ARHGAP10: variants seen among roughly 807,000 people sequenced by gnomAD.
The protein encoded by ARHGAP10 is rho GTPase-activating protein 10.
ARHGAP10 carries 87 observed loss-of-function variants against 108.6 expected under a neutral mutation model. The ratio of observed to expected loss-of-function variants is 0.80; its 90% confidence interval spans 0.67 to 0.96. ARHGAP10 has a LOEUF of 0.96. ARHGAP10 is among the 40% of genes least tolerant of loss of function. ARHGAP10 has a pLI of 0.00. For synonymous variants in ARHGAP10, 347 were observed against 341.1 expected (o/e 1.02, Z -0.19); for missense variants, 939 against 954.5 (o/e 0.98, Z 0.21).
In ARHGAP10 at chr4:147,775,852, GC is replaced by G. The variant is rs1445287372; in HGVS notation, c.154+43398del. ...ATAATATCACTAATACTGATAGAAT[GC>G]TTACTATATACCAGATATTGTCATG... On this transcript the variant is annotated intron_variant, in intron 1 of 22. Transcript: ENST00000336498. Among the ~76,000 whole-genome samples the G allele has an allele frequency of 1.3e-5, 2 of 152,090 alleles. 1 individual carries two copies. The highest frequency in any genetic ancestry group is 2.9e-5 in the Non-Finnish European group (2 of 68,024).
chr4:147,822,867 A>G (rs753306020), intron 2 of ARHGAP10, 29 bp from the exon 3 acceptor site: 59 of 1,613,882 alleles, frequency 3.7e-5, no homozygotes, highest in Admixed American at 1.5e-4. Flanking sequence ...TGCCATGGCC[A>G]CCAAATAATC....
intron 1 of ARHGAP10, among the ~76,000 whole-genome samples, chr4:147,817,590 C>T (rs546034663): frequency 1.3e-5 from 2 of 152,246 alleles, no homozygotes; most frequent in South Asian, 4.1e-4. Context: ...CAAATATAAC[C>T]CCTCATCTCT....
At chr4:147,868,929 G>A (rs1396104133) in intron 7 of ARHGAP10, among the ~76,000 whole-genome samples, 1 of 152,110 alleles carries the variant, frequency 6.6e-6, no homozygotes, top group Non-Finnish European at 1.5e-5. Context: ...GCAGCCTGGG[G>A]GTTGGGGACC....
At chr4:147,871,065 T>C (rs1046322111) in intron 7 of ARHGAP10, among the ~76,000 whole-genome samples, 15 of 151,564 alleles carry the variant, frequency 9.9e-5, no homozygotes, top group African/African-American at 1.7e-4. Context: ...GTTCACGCCA[T>C]TCTCCTGCCT....
chr4:148,058,624 C>T (rs577309347), intron 20 of ARHGAP10, among the ~76,000 whole-genome samples: 3 of 152,304 alleles, frequency 2.0e-5, no homozygotes, highest in Non-Finnish European at 2.9e-5. Context: ...TGTGATCTGT[C>T]GCTGCCAGAA....
chr4:148,056,474 A>T (rs534850944), intron 20 of ARHGAP10, among the ~76,000 whole-genome samples: 1 of 152,278 alleles, frequency 6.6e-6, no homozygotes, highest in South Asian at 2.1e-4. Flanking sequence ...TTATTTTGGA[A>T]TAGTTTAAGG....
chr4:147,968,396 A>G (rs954439053), intron 18 of ARHGAP10, among the ~76,000 whole-genome samples: 2 of 152,224 alleles, frequency 1.3e-5, no homozygotes, highest in Admixed American at 6.5e-5. Context: ...GTACTTTTCA[A>G]TCTTCTTGGG....
At chr4:147,935,447 G>A (rs760566884) in intron 13 of ARHGAP10, among the ~76,000 whole-genome samples, 5 of 152,234 alleles carry the variant, frequency 3.3e-5, no homozygotes, top group Non-Finnish European at 7.3e-5. Context: ...TGAAGAGGCA[G>A]ACATTAGTCT....
Position 148,064,393 on chromosome 4 carries a change from T to C in ARHGAP10, c.2181-23T>C, listed in dbSNP as rs1235972932. The stretch of plus-strand genomic sequence containing the variant: ...TGTTTTCCACATTTTCATTGGTGTC[T>C]TTTGTATTCTCTTTCTTTTCAGCAT... On this transcript the variant is annotated intron_variant, in intron 21 of 22. Transcript: ENST00000336498. The C allele has an allele frequency of 3.1e-6, 5 of 1,609,754 alleles. No individual in the cohort carries two copies. In the African/African-American group the frequency reaches 6.7e-5, roughly 22 times the overall value.
At chr4:147,903,648 T>C (rs1292336809) in intron 10 of ARHGAP10, among the ~76,000 whole-genome samples, 1 of 152,224 alleles carries the variant, frequency 6.6e-6, no homozygotes, top group Non-Finnish European at 1.5e-5. Context: ...ACCAGTGATC[T>C]TTTTACTGTC....
chr4:147,879,821 C>A (rs1317579510), intron 9 of ARHGAP10, among the ~76,000 whole-genome samples: 2 of 151,698 alleles, frequency 1.3e-5, no homozygotes, highest in African/African-American at 2.4e-5. Flanking sequence ...TTTAGGTGAA[C>A]AATAGAATCC....
intron 18 of ARHGAP10, among the ~76,000 whole-genome samples, chr4:148,004,008 T>C (rs1470402433): frequency 6.6e-6 from 1 of 152,234 alleles, no homozygotes; most frequent in East Asian, 1.9e-4. Context: ...TCTGTACTGC[T>C]GGCGGGGGTG....
chr4:147,806,411 G>A (rs1026471309), intron 1 of ARHGAP10, among the ~76,000 whole-genome samples: 1 of 147,536 alleles, frequency 6.8e-6, no homozygotes, highest in African/African-American at 2.5e-5. Flanking sequence ...TATGAATATT[G>A]TATAATATAT....
At chr4:148,051,234 A>C (rs931441580) in intron 20 of ARHGAP10, among the ~76,000 whole-genome samples, 1 of 152,186 alleles carries the variant, frequency 6.6e-6, no homozygotes, top group African/African-American at 2.4e-5. Flanking sequence ...ACTTACCTGT[A>C]CCCTCAGTAA....
intron 3 of ARHGAP10, 60 bp from the exon 4 acceptor site, chr4:147,847,091 A>G: frequency 7.1e-7 from 1 of 1,399,598 alleles, no homozygotes; most frequent in Non-Finnish European, 1.0e-6. Context: ...ATGAAATACT[A>G]ATTTTTTCCT....
intron 1 of ARHGAP10, among the ~76,000 whole-genome samples, chr4:147,785,964 C>T (rs1247147314): frequency 6.6e-6 from 1 of 152,072 alleles, no homozygotes; most frequent in East Asian, 1.9e-4. Context: ...TGTATTAACT[C>T]CTTTTACAGG....
chr4:147,740,460 T>TGATTA (rs1472050820), intron 1 of ARHGAP10, among the ~76,000 whole-genome samples: 1 of 152,196 alleles, frequency 6.6e-6, no homozygotes, highest in Non-Finnish European at 1.5e-5. Flanking sequence ...TAATCGATCT[T>TGATTA]GATTATCTAG....
At chr4:148,064,742 C>A (rs1453999911) in intron 22 of ARHGAP10, among the ~76,000 whole-genome samples, 1 of 149,074 alleles carries the variant, frequency 6.7e-6, no homozygotes, top group Non-Finnish European at 1.5e-5. Context: ...CCCATCTCAT[C>A]TTGTGGGTCT....
Position 147,881,952 on chromosome 4 carries a change from G to A in ARHGAP10, c.1034+20G>A, listed in dbSNP as rs1158043447. On this transcript the variant is annotated intron_variant, in intron 10 of 22. Transcript: ENST00000336498. ...TGATCGGTAAGTTATTGGAATTATT[G>A]GACATGGTGAAAGAGTCGTTTTAAA... The A allele has an allele frequency of 1.9e-6, 3 of 1,606,140 alleles. No individual in the cohort carries two copies. The South Asian group carries it at 3.3e-5, about 18-fold the overall frequency.
Sources: allele counts gnomAD v4.1 joint callset (sites outside exome capture counted in the v4.1 genomes callset), GRCh38; gene constraint gnomAD v4.1.1; transcripts MANE v1.5; gene names NCBI Gene and HGNC (gene_info 2026-07-23, HGNC 2026-07-21).